SLC16A2: variants seen among roughly 807,000 people sequenced by gnomAD.
SLC16A2 encodes monocarboxylate transporter 8.
SLC16A2 carries 3 observed loss-of-function variants against 27.2 expected under a neutral mutation model. The observed-to-expected ratio is 0.11, with a 90% CI of 0.05 to 0.28. The LOEUF (loss-of-function observed/expected upper bound fraction) is 0.28. Ranked by LOEUF, SLC16A2 falls within the 10% of genes least tolerant of loss-of-function variation. The probability of loss-of-function intolerance (pLI) is 1.00; values close to 1 mark genes in which losing one functional copy is unlikely to be tolerated. For synonymous variants in SLC16A2, 202 were observed against 187.8 expected, an observed-to-expected ratio of 1.08 and a Z score of -0.62; for missense variants, 295 against 458.5, an observed-to-expected ratio of 0.64 and a Z score of 3.26.
At chrX:74,467,333 AG>A (rs1427691099) in intron 1 of SLC16A2, among the ~76,000 whole-genome samples, 1 of 111,457 alleles carries the variant, frequency 9.0e-6, no homozygotes, top group African/African-American at 3.3e-5. Flanking sequence ...TCTAAGGCTA[AG>A]GGGGGGCTTC....
At chrX:74,494,561 T>C (rs371326757) in intron 1 of SLC16A2, among the ~76,000 whole-genome samples, 5 of 111,661 alleles carry the variant, frequency 4.5e-5, no homozygotes, top group African/African-American at 1.6e-4. Flanking sequence ...GGGTTCATGT[T>C]ATGGTGTTTT....
At chrX:74,492,360 G>T (rs908991016) in intron 1 of SLC16A2, among the ~76,000 whole-genome samples, 1 of 111,418 alleles carries the variant, frequency 9.0e-6, no homozygotes, top group East Asian at 2.8e-4. Context: ...ATAAAGAGCT[G>T]CTTCAGGAAG....
At chrX:74,518,665 G>A (rs763328556) in intron 1 of SLC16A2, among the ~76,000 whole-genome samples, 5 of 111,330 alleles carry the variant, frequency 4.5e-5, no homozygotes, top group African/African-American at 9.8e-5. Context: ...TTTAATATGC[G>A]TTTCTCAACT....
intron 1 of SLC16A2, among the ~76,000 whole-genome samples, chrX:74,490,990 G>A (rs905616351): frequency 6.2e-5 from 7 of 112,009 alleles, no homozygotes; most frequent in South Asian, 3.7e-4. Context: ...GGAGAAGCTC[G>A]AAGTCAGGAA....
At position 74,532,361 on chromosome X, in the gene SLC16A2, G is replaced by A. The variant is rs1441430644; in HGVS notation, c.*808G>A. The A allele has an allele frequency of 8.9e-6, 1 of 112,413 alleles. No individual in the cohort carries two copies. The highest frequency in any genetic ancestry group is 1.9e-5 in the Non-Finnish European group (1 of 53,430). 9.3% of individuals were successfully genotyped at this position (112,413 alleles called of 1,213,427 possible). ...CAAGCTATATAATCCTAGACTGGAA[G>A]AGTAGAATATCATATAGGGAAGAAA... On this transcript the variant is annotated 3_prime_UTR_variant, in exon 6 of 6. Transcript: ENST00000587091.
intron 2 of SLC16A2, 53 bp from the exon 3 acceptor site, chrX:74,524,306 A>G (rs1930454797): frequency 2.6e-6 from 3 of 1,149,389 alleles, no homozygotes; most frequent in Admixed American, 4.4e-5. Context: ...AGGGGAGGGC[A>G]GGTAGATTGC....
chrX:74,520,321 G>C (rs184408224), intron 1 of SLC16A2, among the ~76,000 whole-genome samples: 1 of 111,928 alleles, frequency 8.9e-6, no homozygotes, highest in East Asian at 2.8e-4. Flanking sequence ...AAAAAAGCTT[G>C]AACTTTCCTT....
intron 1 of SLC16A2, chrX:74,473,301 A>G (rs946982280): frequency 5.3e-6 from 3 of 569,295 alleles, no homozygotes; most frequent in African/African-American, 2.2e-5. Flanking sequence ...CACCATGACA[A>G]CTGAAGCTTC....
chrX:74,480,075 C>G (rs1363169326), intron 1 of SLC16A2, among the ~76,000 whole-genome samples: 1 of 112,346 alleles, frequency 8.9e-6, no homozygotes, highest in Non-Finnish European at 1.9e-5. Flanking sequence ...TGCCCTGCCC[C>G]CAGAGGTGGA....
chrX:74,512,543 G>T (rs1930250176), intron 1 of SLC16A2, among the ~76,000 whole-genome samples: 1 of 111,942 alleles, frequency 8.9e-6, no homozygotes, highest in East Asian at 2.8e-4. Context: ...GCTTTTGTTA[G>T]TTCCCCACAA....
At chrX:74,483,737 G>A (rs1020389139) in intron 1 of SLC16A2, among the ~76,000 whole-genome samples, 10 of 111,121 alleles carry the variant, frequency 9.0e-5, no homozygotes, top group Admixed American at 5.7e-4. Context: ...GGGCAGGAAT[G>A]GTAGCTATGG....
intron 1 of SLC16A2, among the ~76,000 whole-genome samples, chrX:74,472,515 A>AT (rs1368539707): frequency 9.0e-6 from 1 of 111,318 alleles, no homozygotes; most frequent in East Asian, 2.8e-4. Context: ...GGAAATATAA[A>AT]GGGGTTTTTA....
intron 1 of SLC16A2, among the ~76,000 whole-genome samples, chrX:74,519,862 C>T (rs1347177522): frequency 9.0e-6 from 1 of 110,577 alleles, no homozygotes; most frequent in African/African-American, 3.3e-5. Context: ...CAAGATCTCA[C>T]AGCTGATAGG....
intron 1 of SLC16A2, among the ~76,000 whole-genome samples, chrX:74,437,101 C>G (rs893717050): frequency 8.9e-6 from 1 of 111,961 alleles, no homozygotes; most frequent in Admixed American, 9.4e-5. Context: ...CCATCCACAG[C>G]GGGGTGCCCC....
intron 1 of SLC16A2, among the ~76,000 whole-genome samples, chrX:74,479,775 A>G (rs890910854): frequency 1.6e-4 from 18 of 112,081 alleles, no homozygotes; most frequent in Non-Finnish European, 2.6e-4. Flanking sequence ...CCTGGGTATC[A>G]GCAGCAGAGG....
At chrX:74,521,233 GC>G in intron 2 of SLC16A2, 99 bp downstream of exon 2, 1 of 1,033,885 alleles carries the variant, frequency 9.7e-7, no homozygotes, top group African/African-American at 1.8e-5. Context: ...ATCCCCTGTG[GC>G]CATGGCCCTG....
chrX:74,513,330 T>G (rs1212392591), intron 1 of SLC16A2, among the ~76,000 whole-genome samples: 1 of 112,025 alleles, frequency 8.9e-6, no homozygotes, highest in Non-Finnish European at 1.9e-5. Flanking sequence ...GCTGCTTCAC[T>G]GAAATCTCTT....
intron 1 of SLC16A2, among the ~76,000 whole-genome samples, chrX:74,514,059 A>G (rs867162738): frequency 5.1e-4 from 57 of 111,920 alleles, no homozygotes; most frequent in African/African-American, 1.7e-3. Context: ...TATACTTCCA[A>G]TGCAGTACAG....
At chrX:74,481,764 C>G (rs1454941891) in intron 1 of SLC16A2, among the ~76,000 whole-genome samples, 1 of 106,067 alleles carries the variant, frequency 9.4e-6, no homozygotes, top group African/African-American at 3.4e-5. Flanking sequence ...GTCTGCTATT[C>G]TTTTTCTAGT....
Sources: allele counts gnomAD v4.1 joint callset (sites outside exome capture counted in the v4.1 genomes callset), GRCh38; gene constraint gnomAD v4.1.1; transcripts MANE v1.5; gene names NCBI Gene and HGNC (gene_info 2026-07-23, HGNC 2026-07-21).